The following STRN3 variants were observed in gnomAD, a reference collection of about 807,000 sequenced individuals.
STRN3 encodes striatin 3.
In STRN3, 29 loss-of-function variants were observed where a neutral mutation model predicts 95.6. The ratio of observed to expected loss-of-function variants is 0.30; its 90% confidence interval spans 0.23 to 0.41. STRN3 has a LOEUF of 0.41. Ranked by LOEUF, STRN3 falls within the 10% of genes least tolerant of loss-of-function variation. STRN3 has a pLI of 1.00. For missense variants in STRN3, 890 were observed against 972.1 expected (o/e 0.92, Z 1.12); for synonymous variants, 331 against 357.6 (o/e 0.93, Z 0.84).
chr14:30,996,441 G>C (rs1699709520), intron 1 of STRN3, among the ~76,000 whole-genome samples: 1 of 152,144 alleles, frequency 6.6e-6, no homozygotes. Flanking sequence ...TAATTACTTG[G>C]GCTTTGCATC....
At chr14:31,025,876 C>T (rs1456824923) in intron 1 of STRN3, 28 bp downstream of exon 1, 1 of 1,587,804 alleles carries the variant, frequency 6.3e-7, no homozygotes, top group Admixed American at 1.8e-5. Flanking sequence ...GCCGCCGCAG[C>T]TCCCGCACAC....
intron 1 of STRN3, among the ~76,000 whole-genome samples, chr14:30,997,268 G>T (rs916208951): frequency 6.6e-6 from 1 of 152,098 alleles, no homozygotes; most frequent in African/African-American, 2.4e-5. Context: ...TTGTATGTAG[G>T]CTGCCCCTCC....
chr14:30,968,510 T>C (rs1880656152), intron 1 of STRN3, among the ~76,000 whole-genome samples: 1 of 151,334 alleles, frequency 6.6e-6, no homozygotes, highest in African/African-American at 2.4e-5. Flanking sequence ...TGAAACCCCG[T>C]CTCCACTGAA....
intron 1 of STRN3, among the ~76,000 whole-genome samples, chr14:30,977,250 AAG>A (rs2139213552): frequency 6.6e-6 from 1 of 152,310 alleles, no homozygotes; most frequent in African/African-American, 2.4e-5. Context: ...ATATGAAAAA[AAG>A]AGAAAGATTT....
intron 1 of STRN3, chr14:31,018,935 C>G (rs992301730): frequency 4.0e-6 from 1 of 252,224 alleles, no homozygotes; most frequent in African/African-American, 2.3e-5. Context: ...CCAGACTGGC[C>G]AATATGGTGA....
chr14:30,949,267 T>C lies in STRN3; in HGVS notation c.542+1596A>G, dbSNP rs188224984. Among the ~76,000 whole-genome samples, 695 of 152,254 alleles carry C rather than the reference T, an allele frequency of 4.6e-3. 5 individuals are homozygous for C. Among genetic ancestry groups the C allele is most frequent in the Non-Finnish European group, 5.0e-3 (337 of 68,016 alleles). On this transcript the variant is annotated intron_variant, in intron 4 of 17. Transcript: ENST00000357479. Reference sequence around the variant, plus strand: ...CACTTATAAGGAGAGCCTGGACTGATAAATACCTTTTTGAATGGTAAGAAA... The same window carrying C: ...CACTTATAAGGAGAGCCTGGACTGACAAATACCTTTTTGAATGGTAAGAAA...
chr14:30,904,067 A>T (rs1377280568), intron 15 of STRN3, among the ~76,000 whole-genome samples: 2 of 152,228 alleles, frequency 1.3e-5, no homozygotes, highest in Non-Finnish European at 2.9e-5. Context: ...TGAACAACCC[A>T]GGAGCCATGA....
intron 1 of STRN3, among the ~76,000 whole-genome samples, chr14:30,957,612 C>T (rs1463999979): frequency 6.6e-6 from 1 of 152,100 alleles, no homozygotes; most frequent in Non-Finnish European, 1.5e-5. Flanking sequence ...TCATTGCTTT[C>T]TATTGTCATT....
chr14:31,006,769 A>T (rs1882737604), intron 1 of STRN3, among the ~76,000 whole-genome samples: 1 of 152,174 alleles, frequency 6.6e-6, no homozygotes, highest in Admixed American at 6.5e-5. Flanking sequence ...ACAGCATCAA[A>T]CCTTTTGAAA....
At chr14:30,912,383 C>G (rs1896633586) in intron 10 of STRN3, 1 of 430,450 alleles carries the variant, frequency 2.3e-6, no homozygotes, top group Admixed American at 4.3e-5. Context: ...TTTCATTCGC[C>G]TTACAAATAG....
At chr14:30,910,912 T>C in intron 13 of STRN3, 129 bp downstream of exon 13, 1 of 1,021,788 alleles carries the variant, frequency 9.8e-7, no homozygotes, top group Non-Finnish European at 1.4e-6. Context: ...TAAAGCAATT[T>C]ATTAGCAAAT....
chr14:30,999,311 T>C (rs1882340940), intron 1 of STRN3, among the ~76,000 whole-genome samples: 1 of 152,204 alleles, frequency 6.6e-6, no homozygotes, highest in South Asian at 2.1e-4. Flanking sequence ...CCTCCCGAAG[T>C]GCTGGGATTA....
rs569253672 is a variant in STRN3 at position 31,026,282 on chromosome 14, G to T, written c.-97C>A. 77 of 1,260,922 alleles carry T rather than the reference G, an allele frequency of 6.1e-5. No homozygotes were observed. The highest frequency in any genetic ancestry group is 2.9e-4 in the Admixed American group (7 of 23,928). 78.1% of individuals were successfully genotyped at this position (1,260,922 alleles called of 1,614,324 possible). On this transcript the variant is annotated 5_prime_UTR_variant, in exon 1 of 18. Coordinates refer to ENST00000357479, the MANE Select transcript of STRN3 (RefSeq NM_001083893.2). ...CCGCGCTGGCTGCGGGGCGGAGGCC[G>T]GCCGGGAGAGGGGCGGGGAAGGGGT...
chr14:30,903,513 T>TGC (rs1205353671), intron 15 of STRN3, among the ~76,000 whole-genome samples: 1 of 152,202 alleles, frequency 6.6e-6, no homozygotes, highest in Non-Finnish European at 1.5e-5. Context: ...GGGCTTCTCC[T>TGC]GCTTCAGTCT....
At chr14:31,018,598 G>A (rs1233716371) in intron 1 of STRN3, 3 of 502,550 alleles carry the variant, frequency 6.0e-6, no homozygotes, top group Admixed American at 2.1e-5. Flanking sequence ...TGGACTCAGA[G>A]GTTACCCAGC....
At position 30,903,122 on chromosome 14, in the gene STRN3, C is replaced by T. The variant is rs569055428; in HGVS notation, c.2030-479G>A. The stretch of plus-strand genomic sequence containing the variant: ...TTTTTTCTTTACCAGTAAGCTCTTA[C>T]TAACTTTTTATTAAAGATGAGAGAG... On this transcript the variant is annotated intron_variant, in intron 15 of 17. Coordinates refer to ENST00000357479, the MANE Select transcript of STRN3 (RefSeq NM_001083893.2). 2.6e-5 allele frequency among the ~76,000 whole-genome samples: 4 copies of T among 151,620 alleles called. No homozygotes were observed. In the South Asian group the frequency reaches 8.4e-4, roughly 32 times the overall value.
intron 1 of STRN3, among the ~76,000 whole-genome samples, chr14:31,012,299 G>C (rs984839237): frequency 6.6e-6 from 1 of 152,106 alleles, no homozygotes; most frequent in Non-Finnish European, 1.5e-5. Flanking sequence ...TTAAATAAAA[G>C]CAAGCCCCAG....
At chr14:30,973,347 A>G (rs2139201484) in intron 1 of STRN3, among the ~76,000 whole-genome samples, 1 of 144,446 alleles carries the variant, frequency 6.9e-6, no homozygotes, top group East Asian at 2.2e-4. Context: ...GGGGAGGGGG[A>G]GAGAAGGGGA....
chr14:30,936,108 T>C (rs1878804958), intron 6 of STRN3, among the ~76,000 whole-genome samples: 2 of 152,262 alleles, frequency 1.3e-5, no homozygotes, highest in Non-Finnish European at 2.9e-5. Flanking sequence ...TTATTTATAA[T>C]TCACAGATTA....
Sources: allele counts gnomAD v4.1 joint callset (sites outside exome capture counted in the v4.1 genomes callset), GRCh38; gene constraint gnomAD v4.1.1; transcripts MANE v1.5; gene names NCBI Gene and HGNC (gene_info 2026-07-23, HGNC 2026-07-21).